Variants in MORN1 observed in about 807,000 individuals in gnomAD.
The protein encoded by MORN1 is MORN repeat containing 1.
MORN1 carries 67 observed loss-of-function variants against 61.9 expected under a neutral mutation model. The observed-to-expected ratio is 1.08, with a 90% CI of 0.89 to 1.33. The LOEUF (loss-of-function observed/expected upper bound fraction) is 1.33. Ranked by LOEUF, MORN1 falls within the 40% of genes most tolerant of loss-of-function variation. MORN1 has a pLI of 0.00. For synonymous variants in MORN1, 301 were observed against 292.0 expected (o/e 1.03, Z -0.31); for missense variants, 752 against 691.2 (o/e 1.09, Z -0.99).
At chr1:2,390,583 TG>T (rs1642626169) in intron 1 of MORN1, 1 of 985,200 alleles carries the variant, frequency 1.0e-6, no homozygotes, top group Non-Finnish European at 1.2e-6. Flanking sequence ...GCACATTTTG[TG>T]GGCAGGGTTT....
chr1:2,385,087 T>C, intron 5 of MORN1, 22 bp from the exon 6 acceptor site: 2 of 1,571,294 alleles, frequency 1.3e-6, no homozygotes, highest in Non-Finnish European at 1.7e-6. Context: ...ACGCACGGAG[T>C]CCACTCTCAA....
rs1183570319 is a variant in MORN1 at position 2,337,962 on chromosome 1, G to A, written c.1037-1112C>T. Among the ~76,000 whole-genome samples the A allele has an allele frequency of 6.6e-6, 1 of 152,218 alleles. No individual in the cohort carries two copies. The highest frequency in any genetic ancestry group is 2.4e-5 in the African/African-American group (1 of 41,460). ...CAAGACAGTGCCCAGGAGGGAAGGA[G>A]GAGTCAGGGGCTGCTGAGGGGTGCA... On this transcript the variant is annotated intron_variant, in intron 10 of 13. Transcript: ENST00000378531. This position sits in a 1 kb window ranked among gnomAD's most constrained non-coding sequence, Gnocchi z 5.7.
At chr1:2,373,842 G>A (rs1642176992) in intron 7 of MORN1, among the ~76,000 whole-genome samples, 1 of 152,206 alleles carries the variant, frequency 6.6e-6, no homozygotes, top group African/African-American at 2.4e-5. Flanking sequence ...ACAGGTCTTG[G>A]TCCCCCAAGG....
chr1:2,391,471 C>T lies in MORN1; in HGVS notation c.63G>A (p.Arg21=). 1 of 1,257,282 alleles carries T rather than the reference C, an allele frequency of 8.0e-7. No homozygotes were observed. The highest frequency in any genetic ancestry group is 1.0e-6 in the Non-Finnish European group (1 of 993,490). The allele number at this position is 1,257,282 out of a possible 1,614,324, so 77.9% of individuals were successfully genotyped here. A position where few individuals can be genotyped will look rare whatever the true frequency, so the allele number is the denominator to read the frequency against. Residue 21 remains arginine (R), a synonymous_variant, in exon 1 of 14, where the codon CGG becomes CGA. Transcript: ENST00000378531. The stretch of plus-strand genomic sequence containing the variant: ...CGCAGTCGTTACCGTTCCGGGGCGG[C>T]CGCCTAGGCGGGTCCCGACGCGGCC... The part of the protein sequence containing the change: ...SRGPRRDPPR[R]PPRNGYGVYV...
chr1:2,385,634 AC>A (rs1642478993), intron 5 of MORN1, 172 bp downstream of exon 5: 1 of 586,866 alleles, frequency 1.7e-6, no homozygotes, highest in African/African-American at 1.9e-5. Flanking sequence ...CACCGAAACC[AC>A]AGAATGTGGT....
intron 6 of MORN1, chr1:2,379,288 G>C (rs1467171616): frequency 1.8e-4 from 68 of 388,176 alleles, no homozygotes; most frequent in South Asian, 1.3e-3. Context: ...CCAGGAGAGA[G>C]AGAAGAAAGG....
chr1:2,382,278 G>A (rs1347392947), intron 6 of MORN1, among the ~76,000 whole-genome samples: 1 of 152,212 alleles, frequency 6.6e-6, no homozygotes, highest in Admixed American at 6.5e-5. Context: ...CAGGGAACAT[G>A]AGGATTGGGT....
At chr1:2,367,913 G>GC (rs1642031724) in intron 8 of MORN1, among the ~76,000 whole-genome samples, 1 of 152,164 alleles carries the variant, frequency 6.6e-6, no homozygotes, top group African/African-American at 2.4e-5. Flanking sequence ...ACAGGCGTGA[G>GC]CCACCGTGCC....
chr1:2,381,963 G>C (rs146735126), intron 6 of MORN1, among the ~76,000 whole-genome samples: 9 of 152,298 alleles, frequency 5.9e-5, no homozygotes, highest in Non-Finnish European at 1.0e-4. Flanking sequence ...GTCAGCCCAG[G>C]AGGGAGGGCG....
intron 6 of MORN1, chr1:2,379,331 A>G (rs1642319668): frequency 5.5e-6 from 2 of 365,424 alleles, no homozygotes; most frequent in Non-Finnish European, 1.1e-5. Flanking sequence ...CAGAACATAA[A>G]ATGATCTCTA....
chr1:2,357,616 C>A lies in MORN1; in HGVS notation c.870-18G>T, dbSNP rs547870521. The A allele has an allele frequency of 6.4e-7, 1 of 1,570,462 alleles. No homozygotes were observed. The highest frequency in any genetic ancestry group is 8.7e-7 in the Non-Finnish European group (1 of 1,154,230). ...CGAACCCACTGCAAAGGAATGGGGG[C>A]AGCTTGGCTCTACTCACCCCACACC... On this transcript the variant is annotated intron_variant, in intron 9 of 13. Transcript: ENST00000378531. The surrounding 1 kb of genome is among the most constrained non-coding windows in gnomAD (Gnocchi z 6.3).
chr1:2,360,646 T>G (rs937073122), intron 8 of MORN1, among the ~76,000 whole-genome samples: 24 of 152,130 alleles, frequency 1.6e-4, no homozygotes, highest in African/African-American at 5.8e-4. Context: ...GGGAGGACCC[T>G]GAGTAGAGGG....
intron 4 of MORN1, chr1:2,386,198 C>T (rs571275186): frequency 2.8e-5 from 11 of 390,694 alleles, no homozygotes; most frequent in East Asian, 2.5e-4. Flanking sequence ...AGGGGCCCTG[C>T]GGACTGCCAT....
At position 2,372,706 on chromosome 1, in the gene MORN1, G is replaced by C. The variant is rs1642148544; in HGVS notation, c.635-115C>G. 2.7e-6 allele frequency: 2 copies of C among 732,768 alleles called. No homozygotes were observed. Among genetic ancestry groups the C allele is most frequent in the Middle Eastern group, 2.6e-4 (1 of 3,842 alleles). The allele number at this position is 732,768 out of a possible 1,614,324, so 45.4% of individuals were successfully genotyped here. A position where few individuals can be genotyped will look rare whatever the true frequency, so the allele number is the denominator to read the frequency against. ...CGACCAGAGCCCAGTGTGGCAGCTG[G>C]AACACAAGCACATGCGGGGGCCGAC... On this transcript the variant is annotated intron_variant, in intron 7 of 13. Coordinates refer to ENST00000378531, the MANE Select transcript of MORN1 (RefSeq NM_024848.3). This position sits in a 1 kb window ranked among gnomAD's most constrained non-coding sequence, Gnocchi z 5.4.
chr1:2,350,222 C>T (rs932586782), intron 10 of MORN1, among the ~76,000 whole-genome samples: 1 of 152,162 alleles, frequency 6.6e-6, no homozygotes, highest in Non-Finnish European at 1.5e-5. Flanking sequence ...GTAATTTAAC[C>T]AAAATAGGGT....
At chr1:2,370,202 G>A (rs1035986444) in intron 8 of MORN1, among the ~76,000 whole-genome samples, 5 of 152,204 alleles carry the variant, frequency 3.3e-5, no homozygotes, top group African/African-American at 1.2e-4. Context: ...GACTCTTAGG[G>A]CTGACTGATT....
intron 12 of MORN1, among the ~76,000 whole-genome samples, chr1:2,324,904 G>A (rs1450587146): frequency 3.4e-4 from 51 of 151,936 alleles, no homozygotes; most frequent in Non-Finnish European, 7.4e-5. Flanking sequence ...CTGGGTCAGG[G>A]AAGCAGGTGG....
intron 10 of MORN1, among the ~76,000 whole-genome samples, chr1:2,347,228 C>T (rs926362848): frequency 2.0e-5 from 3 of 152,224 alleles, no homozygotes; most frequent in African/African-American, 7.2e-5. Flanking sequence ...CTTGGGGCAG[C>T]TGGTGGCCAG....
chr1:2,323,348 G>A (rs1430205292), intron 13 of MORN1: 11 of 985,444 alleles, frequency 1.1e-5, no homozygotes, highest in Non-Finnish European at 1.3e-5. Flanking sequence ...TGAGCAGCGG[G>A]TCCAGACCTT....
Sources: allele counts gnomAD v4.1 joint callset (sites outside exome capture counted in the v4.1 genomes callset), GRCh38; gene constraint gnomAD v4.1.1; non-coding constraint Gnocchi (gnomAD v3.1); transcripts MANE v1.5; gene names NCBI Gene and HGNC (gene_info 2026-07-23, HGNC 2026-07-21).